The following UMAD1 variants were observed in gnomAD, a reference collection of about 807,000 sequenced individuals.
UMAD1 encodes the protein UBAP1-MVB12-associated (UMA)-domain containing protein 1.
Under a neutral mutation model 6.1 loss-of-function variants are expected in UMAD1, and 8 were observed. The observed-to-expected ratio is 1.30, with a 90% confidence interval of 0.76 to 2.35. The LOEUF is 2.35. Ranked by LOEUF, UMAD1 falls within the 30% of genes most tolerant of loss-of-function variation. The pLI is 0.00. For synonymous variants in UMAD1, 56 were observed against 31.4 expected, an observed-to-expected ratio of 1.78 and a Z score of -2.61; for missense variants, 130 against 78.4, an observed-to-expected ratio of 1.66 and a Z score of -2.49.
chr7:7,741,416 A>G (rs1206310903), intron 2 of UMAD1, among the ~76,000 whole-genome samples: 1 of 151,770 alleles, frequency 6.6e-6, no homozygotes, highest in Non-Finnish European at 1.5e-5. Context: ...CTGAAAATAC[A>G]AAAAATTAGC....
chr7:7,748,903 A>G (rs915896619), intron 2 of UMAD1, among the ~76,000 whole-genome samples: 1 of 151,634 alleles, frequency 6.6e-6, no homozygotes, highest in Non-Finnish European at 1.5e-5. Context: ...AAGAACTGCC[A>G]AACTTCTCAC....
At chr7:7,711,590 C>T (rs1780765530) in intron 2 of UMAD1, among the ~76,000 whole-genome samples, 1 of 151,894 alleles carries the variant, frequency 6.6e-6, no homozygotes, top group Non-Finnish European at 1.5e-5. Context: ...TTTACATTTT[C>T]TTGTTTATAA....
intron 2 of UMAD1, among the ~76,000 whole-genome samples, chr7:7,720,667 G>T (rs1238453909): frequency 6.6e-6 from 1 of 152,136 alleles, no homozygotes; most frequent in African/African-American, 2.4e-5. Flanking sequence ...TGATTTTGTA[G>T]AAGAAGCCAA....
intron 2 of UMAD1, among the ~76,000 whole-genome samples, chr7:7,757,053 T>G (rs2115226534): frequency 6.6e-6 from 1 of 152,368 alleles, no homozygotes; most frequent in Admixed American, 6.5e-5. Flanking sequence ...TTTGCCTTTC[T>G]TTGAGACATG....
intron 2 of UMAD1, among the ~76,000 whole-genome samples, chr7:7,748,313 A>G (rs1158423302): frequency 1.3e-5 from 2 of 152,056 alleles, no homozygotes; most frequent in African/African-American, 4.8e-5. Context: ...TTATGTCATA[A>G]AATTATAATA....
intron 2 of UMAD1, chr7:7,738,455 G>A (rs1781402658): frequency 6.6e-6 from 1 of 152,224 alleles, no homozygotes. Context: ...ATTGTTCAAA[G>A]TTGTTGGACT....
At chr7:7,751,414 A>G (rs1195166975) in intron 2 of UMAD1, among the ~76,000 whole-genome samples, 1 of 152,212 alleles carries the variant, frequency 6.6e-6, no homozygotes, top group Non-Finnish European at 1.5e-5. Context: ...AATTTCTGAT[A>G]AGTTAGAGAT....
chr7:7,795,040 A>G (rs566460580), intron 2 of UMAD1, among the ~76,000 whole-genome samples: 2 of 152,346 alleles, frequency 1.3e-5, no homozygotes, highest in Middle Eastern at 3.4e-3. Flanking sequence ...GAATCCAACT[A>G]TGACTTGTAA....
chr7:7,653,590 A>AG (rs1785275661), intron 1 of UMAD1, among the ~76,000 whole-genome samples: 1 of 152,226 alleles, frequency 6.6e-6, no homozygotes, highest in South Asian at 2.1e-4. Flanking sequence ...GAGGAGTTAC[A>AG]ACACATTTTT....
chr7:7,651,013 C>T (rs573638915), intron 1 of UMAD1, among the ~76,000 whole-genome samples: 1 of 152,250 alleles, frequency 6.6e-6, no homozygotes, highest in East Asian at 1.9e-4. Context: ...TACAAAAAGC[C>T]AGGTGCATGA....
intron 3 of UMAD1, among the ~76,000 whole-genome samples, chr7:7,876,040 G>A (rs868232700): frequency 3.1e-4 from 47 of 152,202 alleles, no homozygotes; most frequent in African/African-American, 1.0e-3. Flanking sequence ...GTGACAGAGC[G>A]AGACTCTGTC....
At chr7:7,693,492 C>G (rs1027019002) in intron 2 of UMAD1, among the ~76,000 whole-genome samples, 4 of 152,096 alleles carry the variant, frequency 2.6e-5, no homozygotes, top group African/African-American at 9.7e-5. Flanking sequence ...TTGGGTTTCT[C>G]TCTCATGTTT....
intron 3 of UMAD1, among the ~76,000 whole-genome samples, chr7:7,831,604 G>T (rs1205191389): frequency 6.6e-6 from 1 of 152,066 alleles, no homozygotes; most frequent in Non-Finnish European, 1.5e-5. Context: ...AACCTCCCTG[G>T]TGACTTGAGT....
chr7:7,853,570 G>C (rs374149543), intron 3 of UMAD1, among the ~76,000 whole-genome samples: 5 of 151,912 alleles, frequency 3.3e-5, no homozygotes, highest in Non-Finnish European at 7.4e-5. Context: ...ATTTTTGATA[G>C]TATTGTAAAT....
chr7:7,735,327 C>T (rs1008263065), intron 2 of UMAD1, among the ~76,000 whole-genome samples: 1 of 152,088 alleles, frequency 6.6e-6, no homozygotes, highest in Non-Finnish European at 1.5e-5. Flanking sequence ...ACTCTAAAGA[C>T]TTCTGCAGAC....
intron 3 of UMAD1, among the ~76,000 whole-genome samples, chr7:7,860,015 C>T (rs1583878494): frequency 6.6e-6 from 1 of 152,072 alleles, no homozygotes; most frequent in South Asian, 2.1e-4. Context: ...CATTTTTAAT[C>T]ACTTCTTGGT....
intron 2 of UMAD1, among the ~76,000 whole-genome samples, chr7:7,737,631 T>G (rs1439267804): frequency 6.6e-6 from 1 of 152,244 alleles, no homozygotes; most frequent in African/African-American, 2.4e-5. Flanking sequence ...GGGACAGCAG[T>G]GGTTGTACTA....
At chr7:7,800,231 C>T (rs1394876455) in intron 2 of UMAD1, among the ~76,000 whole-genome samples, 2 of 152,218 alleles carry the variant, frequency 1.3e-5, no homozygotes, top group African/African-American at 2.4e-5. Flanking sequence ...CTAATTTATT[C>T]ATCTAATGTT....
At chr7:7,643,667 G>A (rs186494334) in intron 1 of UMAD1, among the ~76,000 whole-genome samples, 9 of 150,194 alleles carry the variant, frequency 6.0e-5, no homozygotes, top group East Asian at 2.0e-4. Context: ...AGCCGAGATC[G>A]CGCCACTTCA....
Sources: allele counts gnomAD v4.1 joint callset (sites outside exome capture counted in the v4.1 genomes callset), GRCh38; gene constraint gnomAD v4.1.1; transcripts MANE v1.5; gene names NCBI Gene and HGNC (gene_info 2026-07-23, HGNC 2026-07-21).